Variants in SHISA9 observed in about 807,000 individuals in gnomAD.
SHISA9 encodes protein shisa-9.
A neutral mutation model predicts 38.0 loss-of-function variants in SHISA9; 13 were observed. The observed-to-expected ratio is 0.34, with a 90% CI of 0.22 to 0.54. SHISA9 has a LOEUF of 0.54. SHISA9 is among the 20% of genes least tolerant of loss of function. SHISA9 has a pLI of 0.91. For synonymous variants in SHISA9, 275 were observed against 242.0 expected, an observed-to-expected ratio of 1.14 and a Z score of -1.27; for missense variants, 538 against 575.8, an observed-to-expected ratio of 0.93 and a Z score of 0.67.
At chr16:13,308,311 A>G in the SHISA9 span, among the ~76,000 whole-genome samples, 2 of 152,122 alleles carry the variant, frequency 1.3e-5, no homozygotes, top group Admixed American at 1.3e-4. Context: ...GTGGATGAAA[A>G]GCACCATATA....
intron 2 of SHISA9, among the ~76,000 whole-genome samples, chr16:12,926,234 C>G (rs1264485137): frequency 6.6e-6 from 1 of 152,146 alleles, no homozygotes; most frequent in Non-Finnish European, 1.5e-5. Flanking sequence ...TCATGCCTTT[C>G]TAAAGGACCT....
intron 2 of SHISA9, among the ~76,000 whole-genome samples, chr16:12,968,983 C>A (rs879661141): frequency 1.3e-5 from 2 of 151,764 alleles, no homozygotes; most frequent in Non-Finnish European, 2.9e-5. Context: ...GGTGAAACCC[C>A]GTCTCTACTA....
rs1021857671 is a variant in SHISA9, at chr16:13,191,158, G to T, written c.692-12236G>T. Among the ~76,000 whole-genome samples the T allele has an allele frequency of 2.0e-5, 3 of 152,332 alleles. No homozygotes were observed. In the South Asian group the frequency reaches 6.2e-4, roughly 32 times the overall value. ...CCCTCAAAAAGGTTGCTGGCATAAA[G>T]ATTTGGAAAGGTTAGAAAGAAAAAC... On this transcript the variant is annotated intron_variant, in intron 2 of 4. Coordinates refer to ENST00000558583, the MANE Select transcript of SHISA9 (RefSeq NM_001145204.3).
chr16:13,278,358 G>A, the SHISA9 span, among the ~76,000 whole-genome samples: 6 of 151,984 alleles, frequency 3.9e-5, no homozygotes, highest in Non-Finnish European at 8.8e-5. Context: ...ATTCATCAGG[G>A]ATATCGGTCT....
At chr16:13,248,093 C>T in the SHISA9 span, among the ~76,000 whole-genome samples, 18 of 152,264 alleles carry the variant, frequency 1.2e-4, no homozygotes, top group East Asian at 3.1e-3. Context: ...ATCCAGGATG[C>T]CAAAAGTCAG....
the SHISA9 span, among the ~76,000 whole-genome samples, chr16:13,542,922 G>A: frequency 1.3e-5 from 2 of 152,146 alleles, no homozygotes; most frequent in Non-Finnish European, 2.9e-5. Flanking sequence ...ATCAATGGCC[G>A]TGAACAGTAT....
chr16:13,537,523 G>A, the SHISA9 span, among the ~76,000 whole-genome samples: 167 of 152,198 alleles, frequency 1.1e-3, no homozygotes, highest in African/African-American at 3.7e-3. Flanking sequence ...AAATTATGAT[G>A]TAACTACTTA....
At position 13,232,998 on chromosome 16, in the gene SHISA9, C is replaced by G. The variant is rs148436443; in HGVS notation, c.896-2032C>G. ...TTATTTACACATGTAGGTTTTACCC[C>G]ACAAAAAAACTTTTTTTTTGCAGGG... On this transcript the variant is annotated intron_variant, in intron 4 of 4. Transcript: ENST00000558583. 3.0e-3 allele frequency among the ~76,000 whole-genome samples: 459 copies of G among 152,010 alleles called. 3 individuals are homozygous for G. Among genetic ancestry groups the G allele is most frequent in the Non-Finnish European group, 4.9e-3 (333 of 67,988 alleles).
the SHISA9 span, among the ~76,000 whole-genome samples, chr16:13,365,067 A>G: frequency 6.6e-6 from 1 of 152,176 alleles, no homozygotes; most frequent in Admixed American, 6.5e-5. Flanking sequence ...AAAAGTAATA[A>G]TAATAGCTGG....
At chr16:13,300,102 T>G in the SHISA9 span, among the ~76,000 whole-genome samples, 1 of 152,026 alleles carries the variant, frequency 6.6e-6, no homozygotes, top group African/African-American at 2.4e-5. Flanking sequence ...AATTGCACCT[T>G]GATCCAAGCA....
At chr16:13,369,711 A>C in the SHISA9 span, among the ~76,000 whole-genome samples, 1 of 152,148 alleles carries the variant, frequency 6.6e-6, no homozygotes, top group African/African-American at 2.4e-5. Context: ...ATCATGAGCA[A>C]CATGACAGGT....
chr16:13,301,957 G>A, the SHISA9 span, among the ~76,000 whole-genome samples: 2 of 152,340 alleles, frequency 1.3e-5, no homozygotes, highest in African/African-American at 4.8e-5. Flanking sequence ...TGGGGACTGA[G>A]ATAATGGAGA....
intron 2 of SHISA9, among the ~76,000 whole-genome samples, chr16:13,019,948 T>C (rs1433503876): frequency 0.038 from 2,198 of 57,286 alleles, 149 homozygotes; most frequent in Non-Finnish European, 0.058. Context: ...TCTTTCTTTC[T>C]TTCTTTCTTT....
intron 2 of SHISA9, among the ~76,000 whole-genome samples, chr16:13,104,963 C>T (rs536770195): frequency 3.9e-5 from 6 of 152,220 alleles, no homozygotes; most frequent in East Asian, 3.9e-4. Context: ...CAATTACTTA[C>T]GTTGGTTGAG....
intron 4 of SHISA9, among the ~76,000 whole-genome samples, chr16:13,218,382 G>C (rs564391565): frequency 6.6e-6 from 1 of 152,320 alleles, no homozygotes; most frequent in South Asian, 2.1e-4. Context: ...CCCCACCCTA[G>C]ATGCAATCGC....
the SHISA9 span, among the ~76,000 whole-genome samples, chr16:13,254,403 G>T: frequency 1.3e-5 from 2 of 152,282 alleles, no homozygotes; most frequent in African/African-American, 4.8e-5. Context: ...ATGACCATCA[G>T]TTCCAACCGG....
chr16:13,269,525 G>A, the SHISA9 span, among the ~76,000 whole-genome samples: 1 of 152,194 alleles, frequency 6.6e-6, no homozygotes, highest in Non-Finnish European at 1.5e-5. Flanking sequence ...GAGCCAGTGA[G>A]CCTCTGCCAA....
chr16:13,485,441 T>C, the SHISA9 span, among the ~76,000 whole-genome samples: 1 of 152,210 alleles, frequency 6.6e-6, no homozygotes, highest in South Asian at 2.1e-4. Context: ...CAGTCTATCA[T>C]TGAGGGTAAG....
At chr16:13,321,884 T>TG in the SHISA9 span, among the ~76,000 whole-genome samples, 1 of 152,190 alleles carries the variant, frequency 6.6e-6, no homozygotes, top group African/African-American at 2.4e-5. Context: ...AACTGTGAAA[T>TG]GGGGATAATA....
Sources: allele counts gnomAD v4.1 joint callset (sites outside exome capture counted in the v4.1 genomes callset), GRCh38; gene constraint gnomAD v4.1.1; transcripts MANE v1.5; gene names NCBI Gene and HGNC (gene_info 2026-07-23, HGNC 2026-07-21).